The following DAZAP1 variants were observed in gnomAD, a reference collection of about 807,000 sequenced individuals.
DAZAP1 encodes DAZ-associated protein 1.
DAZAP1 carries 6 observed loss-of-function variants against 60.1 expected under a neutral mutation model. That is an observed-to-expected ratio of 0.10 (90% confidence interval 0.05 to 0.20). The LOEUF is 0.20. Among genes scored for constraint, DAZAP1 ranks in the 10% least tolerant of loss-of-function variants. DAZAP1 has a pLI of 1.00. For synonymous variants in DAZAP1, 235 were observed against 215.9 expected (o/e 1.09, Z -0.78); for missense variants, 366 against 560.4 (o/e 0.65, Z 3.50).
chr19:1,432,154 A>C lies in DAZAP1; in HGVS notation c.872-360A>C, dbSNP rs530773521. 1 of 294,712 alleles carries C rather than the reference A, an allele frequency of 3.4e-6. No individual in the cohort carries two copies. The highest frequency in any genetic ancestry group is 6.5e-6 in the Non-Finnish European group (1 of 154,910). 18.3% of individuals were successfully genotyped at this position (294,712 alleles called of 1,614,324 possible). ...TGCCTGTGCTGGCAGCTTCCTAAACATGGGGACTGGGCATGGTGGCAGGTT... is the reference window on the plus strand; with the variant it reads ...TGCCTGTGCTGGCAGCTTCCTAAACCTGGGGACTGGGCATGGTGGCAGGTT... On this transcript the variant is annotated intron_variant, in intron 10 of 11. Coordinates refer to ENST00000233078, the MANE Select transcript of DAZAP1 (RefSeq NM_018959.4). This position sits in a 1 kb window ranked among gnomAD's most constrained non-coding sequence, Gnocchi z 4.9.
intron 1 of DAZAP1, 157 bp from the exon 2 acceptor site, chr19:1,417,343 C>T: frequency 1.3e-6 from 1 of 785,976 alleles, no homozygotes; most frequent in South Asian, 1.5e-5. Flanking sequence ...GCGAGGCTGA[C>T]TCGCCATTGC....
In DAZAP1 at chr19:1,432,329, G is replaced by T. The variant is rs555021545; in HGVS notation, c.872-185G>T. ...CGCTCCCAGGAGTGTGTGTTTCCTGGGGGGAGCGGCCCGGGACCGTGGCTC... is the reference window on the plus strand; with the variant it reads ...CGCTCCCAGGAGTGTGTGTTTCCTGTGGGGAGCGGCCCGGGACCGTGGCTC... On this transcript the variant is annotated intron_variant, in intron 10 of 11. Coordinates refer to ENST00000233078, the MANE Select transcript of DAZAP1 (RefSeq NM_018959.4). The surrounding 1 kb of genome is among the most constrained non-coding windows in gnomAD (Gnocchi z 4.9). 10 of 656,260 alleles carry T rather than the reference G, an allele frequency of 1.5e-5. No individual in the cohort carries two copies. Among genetic ancestry groups the T allele is most frequent in the Admixed American group, 2.5e-5 (1 of 39,704 alleles). 40.7% of individuals were successfully genotyped at this position (656,260 alleles called of 1,614,324 possible). A position where few individuals can be genotyped will look rare whatever the true frequency, so the allele number is the denominator to read the frequency against.
rs901757423 is a variant in DAZAP1, at chr19:1,428,551, G to A, written c.547-291G>A. On this transcript the variant is annotated intron_variant, in intron 7 of 11. Transcript: ENST00000233078. The surrounding 1 kb of genome is among the most constrained non-coding windows in gnomAD (Gnocchi z 4.0). ...GAGTGAAAGACCCTTCGTCACGCAC[G>A]AAACCCCCGAGGGCTCTGGGCTCGG... 3.0e-6 allele frequency: 1 copy of A among 335,644 alleles called. No homozygotes were observed. Among genetic ancestry groups the A allele is most frequent in the South Asian group, 4.8e-5 (1 of 20,840 alleles). 20.8% of individuals were successfully genotyped at this position (335,644 alleles called of 1,614,324 possible). A position where few individuals can be genotyped will look rare whatever the true frequency, so the allele number is the denominator to read the frequency against.
At position 1,425,783 on chromosome 19, in the gene DAZAP1, A is replaced by G; in HGVS notation, c.464-95A>G. The G allele has an allele frequency of 1.1e-6, 1 of 913,032 alleles. No homozygotes were observed. The highest frequency in any genetic ancestry group is 1.3e-5 in the South Asian group (1 of 74,884). The allele number at this position is 913,032 out of a possible 1,614,324, so 56.6% of individuals were successfully genotyped here. A position where few individuals can be genotyped will look rare whatever the true frequency, so the allele number is the denominator to read the frequency against. On this transcript the variant is annotated intron_variant, in intron 6 of 11. Transcript: ENST00000233078. The surrounding 1 kb of genome is among the most constrained non-coding windows in gnomAD (Gnocchi z 5.4). ...CCCACACACAGCTTAGCTGAAACCC[A>G]AGGTCGATCCCTCGGCCCGTCCCTA...
rs2083576168 is a variant in DAZAP1 at position 1,435,510 on chromosome 19, T to C, written c.*598T>C. ...CCTTGCTTTTGTCGACTGACCTGCT[T>C]GGTAGTGTCTGAGGTGAACTGTGGG... On this transcript the variant is annotated 3_prime_UTR_variant, in exon 12 of 12. Coordinates refer to ENST00000233078, the MANE Select transcript of DAZAP1 (RefSeq NM_018959.4). The C allele has an allele frequency of 6.6e-6, 1 of 152,232 alleles. No individual in the cohort carries two copies. Among genetic ancestry groups the C allele is most frequent in the Non-Finnish European group, 1.5e-5 (1 of 68,046 alleles). The allele number at this position is 152,232 out of a possible 1,614,324, so 9.4% of individuals were successfully genotyped here.
chr19:1,433,951 G>T lies in DAZAP1; in HGVS notation c.1049-786G>T. ...TGCCCTCTGGGAAGGGGCCCTTGCC[G>T]GTGCCAAGACATTGGCCACAAGCCT... On this transcript the variant is annotated intron_variant, in intron 11 of 11. Transcript: ENST00000233078. This position sits in a 1 kb window ranked among gnomAD's most constrained non-coding sequence, Gnocchi z 6.1. 1 of 842,484 alleles carries T rather than the reference G, an allele frequency of 1.2e-6. No homozygotes were observed. Among genetic ancestry groups the T allele is most frequent in the South Asian group, 1.5e-5 (1 of 65,362 alleles). The allele number at this position is 842,484 out of a possible 1,614,324, so 52.2% of individuals were successfully genotyped here.
rs199949739 is a variant in DAZAP1 at position 1,418,704 on chromosome 19, G to A, written c.276G>A (p.Pro92=). 80 of 1,613,338 alleles carry A rather than the reference G, an allele frequency of 5.0e-5. 1 individual carries two copies. The African/African-American group carries it at 6.8e-4, about 14-fold the overall frequency. Residue 92 remains proline (P), a synonymous_variant, in exon 4 of 12, where the codon CCG becomes CCA. Coordinates refer to ENST00000233078, the MANE Select transcript of DAZAP1 (RefSeq NM_018959.4). This position sits in a 1 kb window ranked among gnomAD's most constrained non-coding sequence, Gnocchi z 5.7. ...CATGCACACCCCGGGGGATGCAGCC[G>A]GAGAGAACACGGCCGAAGGAAGGAT... ...PKPCTPRGMQ[P]ERTRPKEGWQ... is the part of the protein sequence containing the mutation.
In DAZAP1 at chr19:1,418,271, C is replaced by T. The variant is rs1177746682; in HGVS notation, c.138C>T (p.Thr46=). 7 of 1,614,162 alleles carry T rather than the reference C, an allele frequency of 4.3e-6. No individual in the cohort carries two copies. The highest frequency in any genetic ancestry group is 5.1e-6 in the Non-Finnish European group (6 of 1,180,028). The change falls in exon 3 of 12, where the codon ACC becomes ACT. Residue 46 remains threonine, a synonymous_variant. Transcript: ENST00000233078. This position sits in a 1 kb window ranked among gnomAD's most constrained non-coding sequence, Gnocchi z 5.7. ...ATTGTGTTATCATGAAAGATAAAAC[C>T]ACCAACCAGTCTCGAGGCTTTGGGT... ...VVDCVIMKDK[T]TNQSRGFGFV...
In DAZAP1 at chr19:1,433,769, GC is replaced by G. The variant is rs1318765466; in HGVS notation, c.1049-967del. The G allele has an allele frequency of 1.2e-6, 2 of 1,613,998 alleles. No individual in the cohort carries two copies. Among genetic ancestry groups the G allele is most frequent in the Non-Finnish European group, 1.7e-6 (2 of 1,179,922 alleles). On this transcript the variant is annotated intron_variant, in intron 11 of 11. Coordinates refer to ENST00000233078, the MANE Select transcript of DAZAP1 (RefSeq NM_018959.4). This position sits in a 1 kb window ranked among gnomAD's most constrained non-coding sequence, Gnocchi z 6.1. ...GGTTCCTATTCTCCAGCCCCGCCGG[GC>G]TGCGGCCCACACTTTGTTTACAGTC...
In DAZAP1 at chr19:1,425,059, C is replaced by G. The variant is rs2083273029; in HGVS notation, c.464-819C>G. Among the ~76,000 whole-genome samples the G allele has an allele frequency of 6.6e-6, 1 of 152,198 alleles. No homozygotes were observed. The highest frequency in any genetic ancestry group is 1.5e-5 in the Non-Finnish European group (1 of 68,018). ...AAATTTTTTTTGCCTTTAAAATTTT[C>G]TGTTTTGATCCCATGGTGCATCTCG... On this transcript the variant is annotated intron_variant, in intron 6 of 11. Coordinates refer to ENST00000233078, the MANE Select transcript of DAZAP1 (RefSeq NM_018959.4). The surrounding 1 kb of genome is among the most constrained non-coding windows in gnomAD (Gnocchi z 5.4).
Position 1,429,953 on chromosome 19 carries a change from GTTCTC to G in DAZAP1, c.701-11_701-7del. The stretch of plus-strand genomic sequence containing the variant: ...GGACACGGCGCCAACCTCCTCTTCT[GTTCTC>G]TTATCTAGGAATGTGGGTGCCGGCA... On this transcript the variant is annotated splice_polypyrimidine_tract_variant and intron_variant, in intron 8 of 11. Transcript: ENST00000233078. 2 of 1,563,700 alleles carry G rather than the reference GTTCTC, an allele frequency of 1.3e-6. No individual in the cohort carries two copies. The highest frequency in any genetic ancestry group is 1.7e-6 in the Non-Finnish European group (2 of 1,152,970).
At position 1,418,695 on chromosome 19, in the gene DAZAP1, G is replaced by A. The variant is rs776528245; in HGVS notation, c.267G>A (p.Gly89=). 4.3e-6 allele frequency: 7 copies of A among 1,613,820 alleles called. No individual in the cohort carries two copies. The highest frequency in any genetic ancestry group is 1.7e-4 in the Middle Eastern group (1 of 6,060). Residue 89 remains glycine, a synonymous_variant, in exon 4 of 12, where the codon GGG becomes GGA. Coordinates refer to ENST00000233078, the MANE Select transcript of DAZAP1 (RefSeq NM_018959.4). The surrounding 1 kb of genome is among the most constrained non-coding windows in gnomAD (Gnocchi z 5.7). ...NIDPKPCTPR[G]MQPERTRPKE... is the part of the protein sequence containing the mutation. ...ACCCCAAGCCATGCACACCCCGGGG[G>A]ATGCAGCCGGAGAGAACACGGCCGA... is the stretch of plus-strand genomic sequence containing the variant.
intron 2 of DAZAP1, among the ~76,000 whole-genome samples, chr19:1,417,786 T>G (rs1386325311): frequency 6.6e-6 from 1 of 152,106 alleles, no homozygotes; most frequent in African/African-American, 2.4e-5. Flanking sequence ...TGAGGTGGCT[T>G]GTGGAGGCAG....
intron 8 of DAZAP1, among the ~76,000 whole-genome samples, chr19:1,429,216 C>T (rs759069188): frequency 1.4e-4 from 21 of 152,256 alleles, no homozygotes; most frequent in Admixed American, 5.9e-4. Flanking sequence ...CTTAGGTGCC[C>T]GTCCGGGGCC....
In DAZAP1 at chr19:1,422,215, C is replaced by T; in HGVS notation, c.415-133C>T. ...AGCAGCCCCACGGAGCAGCTGTTGCCCGTGCACCTCCCCCGCTCAGGGAGG... is the reference window on the plus strand; with the variant it reads ...AGCAGCCCCACGGAGCAGCTGTTGCTCGTGCACCTCCCCCGCTCAGGGAGG... On this transcript the variant is annotated intron_variant, in intron 5 of 11. Transcript: ENST00000233078. This position sits in a 1 kb window ranked among gnomAD's most constrained non-coding sequence, Gnocchi z 4.5. The T allele has an allele frequency of 1.3e-6, 1 of 747,752 alleles. No individual in the cohort carries two copies. Among genetic ancestry groups the T allele is most frequent in the Non-Finnish European group, 2.3e-6 (1 of 438,830 alleles). The allele number at this position is 747,752 out of a possible 1,614,324, so 46.3% of individuals were successfully genotyped here. A position where few individuals can be genotyped will look rare whatever the true frequency, so the allele number is the denominator to read the frequency against.
intron 6 of DAZAP1, among the ~76,000 whole-genome samples, chr19:1,424,533 C>T (rs986821678): frequency 6.6e-5 from 10 of 151,838 alleles, no homozygotes; most frequent in African/African-American, 2.2e-4. Context: ...TTTGCTTGTC[C>T]TGTTTCTGCC....
At chr19:1,410,480 G>A (rs1212200603) in intron 1 of DAZAP1, among the ~76,000 whole-genome samples, 4 of 152,220 alleles carry the variant, frequency 2.6e-5, no homozygotes, top group African/African-American at 7.2e-5. Context: ...GGCCTGGAGC[G>A]CTCAGAGCAC....
chr19:1,411,774 C>T (rs557766883), intron 1 of DAZAP1, among the ~76,000 whole-genome samples: 2 of 152,334 alleles, frequency 1.3e-5, no homozygotes, highest in African/African-American at 4.8e-5. Context: ...GTGGAAGATC[C>T]GGAGCTGGGA....
chr19:1,432,091 G>A lies in DAZAP1; in HGVS notation c.872-423G>A, dbSNP rs190622786. The A allele has an allele frequency of 1.4e-3, 260 of 187,564 alleles. 2 individuals carry two copies. In the Admixed American group the frequency reaches 0.014, roughly 10 times the overall value. 11.6% of individuals were successfully genotyped at this position (187,564 alleles called of 1,614,324 possible). On this transcript the variant is annotated intron_variant, in intron 10 of 11. Coordinates refer to ENST00000233078, the MANE Select transcript of DAZAP1 (RefSeq NM_018959.4). The surrounding 1 kb of genome is among the most constrained non-coding windows in gnomAD (Gnocchi z 4.9). ...GAGGGCAAGGGCGGCAGCACCTCCA[G>A]CATGACAGTCCCTTCCAAGCACGTC... is the stretch of plus-strand genomic sequence containing the variant.
Sources: gnomAD v4.1 joint callset for allele counts (sites outside exome capture counted in the v4.1 genomes callset) on GRCh38, gnomAD v4.1.1 for gene constraint, Gnocchi (gnomAD v3.1) non-coding constraint, MANE v1.5 for transcripts, NCBI Gene and HGNC (gene_info 2026-07-23, HGNC 2026-07-21) for gene names.